CMSS1: variants seen among roughly 807,000 people sequenced by gnomAD.
The protein encoded by CMSS1 is protein CMSS1.
Under a neutral mutation model 43.5 loss-of-function variants are expected in CMSS1, and 33 were observed. That is an observed-to-expected ratio of 0.76 (90% CI 0.57 to 1.01). CMSS1 has a LOEUF of 1.01. Among genes scored for constraint, CMSS1 ranks in the 50% least tolerant of loss-of-function variants. CMSS1 has a pLI of 0.00. For missense variants in CMSS1, 313 were observed against 326.4 expected, an observed-to-expected ratio of 0.96 and a Z score of 0.32; for synonymous variants, 115 against 117.2, an observed-to-expected ratio of 0.98 and a Z score of 0.12.
At chr3:100,139,463 C>T (rs1391177843) in intron 1 of CMSS1, among the ~76,000 whole-genome samples, 1 of 148,854 alleles carries the variant, frequency 6.7e-6, no homozygotes. Flanking sequence ...GAGTGGATAA[C>T]CTGAGGTCAG....
intron 1 of CMSS1, among the ~76,000 whole-genome samples, chr3:99,952,029 T>G (rs892885759): frequency 2.0e-5 from 3 of 152,188 alleles, no homozygotes; most frequent in African/African-American, 7.2e-5. Context: ...AAATTACTGT[T>G]TATTCCAGTG....
intron 1 of CMSS1, among the ~76,000 whole-genome samples, chr3:100,136,254 A>G (rs2066751965): frequency 6.6e-6 from 1 of 152,180 alleles, no homozygotes; most frequent in Non-Finnish European, 1.5e-5. Flanking sequence ...GTTAGACAGC[A>G]AAAAAGCAAA....
intron 1 of CMSS1, among the ~76,000 whole-genome samples, chr3:100,027,559 C>T (rs902989154): frequency 4.6e-5 from 7 of 152,122 alleles, no homozygotes; most frequent in Non-Finnish European, 8.8e-5. Flanking sequence ...TCTTCCCTTC[C>T]ATTCCCACAT....
At chr3:100,091,213 A>C (rs1043437231) in intron 1 of CMSS1, among the ~76,000 whole-genome samples, 1 of 151,044 alleles carries the variant, frequency 6.6e-6, no homozygotes, top group African/African-American at 2.4e-5. Flanking sequence ...TGAACCTGGA[A>C]GGCGGAACTT....
In CMSS1 at chr3:99,880,233, C is replaced by A. The variant is rs568999583; in HGVS notation, c.64+62190C>A. Among the ~76,000 whole-genome samples the A allele has an allele frequency of 3.1e-3, 471 of 151,416 alleles. 4 individuals are homozygous for A. The highest frequency in any genetic ancestry group is 0.011 in the African/African-American group (445 of 41,502). On this transcript the variant is annotated intron_variant, in intron 1 of 9. Coordinates refer to ENST00000421999, the MANE Select transcript of CMSS1 (RefSeq NM_032359.4). The stretch of plus-strand genomic sequence containing the variant: ...TAATCAACCTCATTTCTTCACTCTT[C>A]TTTCACTCTTCTTTCAGTTCTTTGG...
rs149334078 is a variant in CMSS1, at chr3:99,998,816, G to A, written c.65-148157G>A. On this transcript the variant is annotated intron_variant, in intron 1 of 9. Coordinates refer to ENST00000421999, the MANE Select transcript of CMSS1 (RefSeq NM_032359.4). ...GATCTCCTGACCTCGTGATCCGCCCGCCTTAGCCTCCCAAAGTAATGGGAT... is the reference window on the plus strand; with the variant it reads ...GATCTCCTGACCTCGTGATCCGCCCACCTTAGCCTCCCAAAGTAATGGGAT... 6.5e-3 allele frequency among the ~76,000 whole-genome samples: 985 copies of A among 152,250 alleles called. 13 individuals carry two copies. Among genetic ancestry groups the A allele is most frequent in the African/African-American group, 0.021 (867 of 41,558 alleles).
intron 1 of CMSS1, among the ~76,000 whole-genome samples, chr3:100,144,722 T>C (rs2066833613): frequency 6.6e-6 from 1 of 152,244 alleles, no homozygotes; most frequent in African/African-American, 2.4e-5. Context: ...GCTTCCTCTT[T>C]CGTGGTCATT....
intron 1 of CMSS1, chr3:100,039,871 A>T (rs2065174144): frequency 6.6e-6 from 1 of 151,308 alleles, no homozygotes; most frequent in Non-Finnish European, 1.5e-5. Flanking sequence ...CTCCTGCCTC[A>T]GCCTCCCGAG....
intron 1 of CMSS1, among the ~76,000 whole-genome samples, chr3:99,960,348 G>A (rs1386499613): frequency 2.6e-5 from 4 of 152,074 alleles, no homozygotes; most frequent in African/African-American, 7.2e-5. Flanking sequence ...AAGTTAAGTG[G>A]CAGAACCTGG....
chr3:99,983,632 A>T (rs1418652174), intron 1 of CMSS1, among the ~76,000 whole-genome samples: 1 of 147,400 alleles, frequency 6.8e-6, no homozygotes, highest in African/African-American at 2.5e-5. Flanking sequence ...GGAGGTTGCC[A>T]TGAGCTGAGA....
intron 1 of CMSS1, among the ~76,000 whole-genome samples, chr3:99,999,069 C>G (rs1404989401): frequency 6.6e-6 from 1 of 152,122 alleles, no homozygotes; most frequent in African/African-American, 2.4e-5. Context: ...TACTATGTAC[C>G]TATATCCGTC....
chr3:100,133,435 T>A (rs140561163), intron 1 of CMSS1, among the ~76,000 whole-genome samples: 1 of 151,818 alleles, frequency 6.6e-6, no homozygotes, highest in Non-Finnish European at 1.5e-5. Context: ...AGGACTGTCT[T>A]TTTATAGTGG....
intron 1 of CMSS1, among the ~76,000 whole-genome samples, chr3:100,140,327 A>G (rs1183176573): frequency 6.6e-6 from 1 of 151,974 alleles, no homozygotes; most frequent in African/African-American, 2.4e-5. Context: ...TGATGCTTTT[A>G]TTTTTAAATC....
chr3:100,021,915 TTGTGTGTGTGTGTGTGTG>T (rs61704772), intron 1 of CMSS1, among the ~76,000 whole-genome samples: 1 of 105,958 alleles, frequency 9.4e-6, no homozygotes, highest in African/African-American at 4.0e-5. Flanking sequence ...CTAGATCCCA[TTGTGTGTGTGTGTGTGTG>T]TGTGTGTGTG....
At chr3:99,849,890 C>T in intron 1 of CMSS1, 1 of 1,611,884 alleles carries the variant, frequency 6.2e-7, no homozygotes, top group Non-Finnish European at 8.5e-7. Flanking sequence ...TCAATTGCTT[C>T]CAATGATTGA....
chr3:100,016,054 C>G (rs1007493725), intron 1 of CMSS1, among the ~76,000 whole-genome samples: 6 of 151,830 alleles, frequency 4.0e-5, no homozygotes, highest in African/African-American at 1.5e-4. Context: ...TTTAGATGAC[C>G]CAAGATTATT....
intron 1 of CMSS1, among the ~76,000 whole-genome samples, chr3:99,953,497 G>A (rs1240649195): frequency 6.6e-6 from 1 of 152,136 alleles, no homozygotes; most frequent in East Asian, 1.9e-4. Context: ...TCCTAGGAAG[G>A]TGGCAGTTGA....
At chr3:100,172,221 A>C in intron 7 of CMSS1, 95 bp from the exon 8 acceptor site, 1 of 1,116,210 alleles carries the variant, frequency 9.0e-7, no homozygotes, top group Non-Finnish European at 1.3e-6. Context: ...TTTGTATTTC[A>C]CTTTCTTAAC....
intron 1 of CMSS1, among the ~76,000 whole-genome samples, chr3:99,935,830 G>T (rs1158784474): frequency 1.3e-5 from 2 of 152,134 alleles, no homozygotes; most frequent in Non-Finnish European, 2.9e-5. Context: ...TAAGTTAGTT[G>T]AAATCATGGT....
Sources: allele counts gnomAD v4.1 joint callset (sites outside exome capture counted in the v4.1 genomes callset), GRCh38; gene constraint gnomAD v4.1.1; transcripts MANE v1.5; gene names NCBI Gene and HGNC (gene_info 2026-07-23, HGNC 2026-07-21).